MACROD2: variants seen among roughly 807,000 people sequenced by gnomAD.
MACROD2 encodes the protein mono-ADP ribosylhydrolase 2, also known as ADP-ribose glycohydrolase MACROD2.
Under a neutral mutation model 70.4 loss-of-function variants are expected in MACROD2, and 36 were observed. The observed-to-expected ratio is 0.51, with a 90% CI of 0.39 to 0.68. The LOEUF (loss-of-function observed/expected upper bound fraction) is 0.68. Ranked by LOEUF, MACROD2 falls within the 30% of genes least tolerant of loss-of-function variation. The pLI, the probability that MACROD2 is intolerant of heterozygous loss-of-function variation, is 0.00. For synonymous variants in MACROD2, 172 were observed against 178.8 expected, an observed-to-expected ratio of 0.96 and a Z score of 0.30; for missense variants, 496 against 538.4, an observed-to-expected ratio of 0.92 and a Z score of 0.78.
At chr20:14,705,892 CCT>C (rs1225202672) in intron 5 of MACROD2, among the ~76,000 whole-genome samples, 1 of 151,708 alleles carries the variant, frequency 6.6e-6, no homozygotes, top group Non-Finnish European at 1.5e-5. Context: ...TCCTTCTCTT[CCT>C]CTCTCTCTTT....
chr20:14,005,871 G>T (rs1278308153), intron 2 of MACROD2, among the ~76,000 whole-genome samples: 2 of 152,132 alleles, frequency 1.3e-5, no homozygotes, highest in African/African-American at 4.8e-5. Context: ...AAGGTGCTGG[G>T]ATTACAGACG....
In MACROD2 at chr20:14,492,169, G is replaced by T. The variant is rs142240699; in HGVS notation, c.272-1310G>T. Among the ~76,000 whole-genome samples, 56 of 152,312 alleles carry T rather than the reference G, an allele frequency of 3.7e-4. 1 individual carries two copies. In the East Asian group the frequency reaches 9.5e-3, roughly 26 times the overall value. On this transcript the variant is annotated intron_variant, in intron 3 of 17. Transcript: ENST00000684519. ...CTGTGTAAATATCACACACTTACAT[G>T]TGGTAAAGTCAGAGGGACTTGCAGA...
chr20:14,141,862 G>T (rs1601275057), intron 3 of MACROD2, among the ~76,000 whole-genome samples: 1 of 150,812 alleles, frequency 6.6e-6, no homozygotes, highest in South Asian at 2.1e-4. Context: ...TTCTTTTTCA[G>T]CTTAAAAAAT....
chr20:14,718,208 G>A (rs531528031), intron 5 of MACROD2, among the ~76,000 whole-genome samples: 27 of 137,254 alleles, frequency 2.0e-4, no homozygotes, highest in African/African-American at 7.0e-4. Context: ...CAGGAGAATT[G>A]CTTGAATCCA....
chr20:14,826,043 G>A (rs1317659563), intron 5 of MACROD2, among the ~76,000 whole-genome samples: 4 of 152,122 alleles, frequency 2.6e-5, no homozygotes, highest in Non-Finnish European at 5.9e-5. Context: ...TACAGATGTG[G>A]AACTAAAGTA....
In MACROD2 at chr20:15,311,576, G is replaced by A. The variant is rs112106880; in HGVS notation, c.540+81515G>A. Reference sequence around the variant, plus strand: ...GGATTGGATAAAGAAAACGTGGTACGTATATACCATAGAATACTATGGAGC... The same window carrying A: ...GGATTGGATAAAGAAAACGTGGTACATATATACCATAGAATACTATGGAGC... On this transcript the variant is annotated intron_variant, in intron 6 of 17. Coordinates refer to ENST00000684519, the MANE Select transcript of MACROD2 (RefSeq NM_001351661.2). 1.1e-3 allele frequency among the ~76,000 whole-genome samples: 170 copies of A among 152,290 alleles called. 3 individuals are homozygous for A. Among genetic ancestry groups the A allele is most frequent in the African/African-American group, 3.9e-3 (162 of 41,562 alleles).
chr20:15,446,572 A>G (rs943304235), intron 7 of MACROD2, among the ~76,000 whole-genome samples: 3 of 152,198 alleles, frequency 2.0e-5, no homozygotes, highest in Admixed American at 2.0e-4. Context: ...GCACACTGCC[A>G]ACACCCCAGT....
chr20:15,369,149 C>T (rs1473043839), intron 6 of MACROD2, among the ~76,000 whole-genome samples: 4 of 151,922 alleles, frequency 2.6e-5, no homozygotes, highest in East Asian at 1.9e-4. Flanking sequence ...ATTTAATGAA[C>T]GGATACTAAG....
chr20:14,158,363 A>C (rs2055134578), intron 3 of MACROD2, among the ~76,000 whole-genome samples: 1 of 151,884 alleles, frequency 6.6e-6, no homozygotes, highest in Admixed American at 6.6e-5. Context: ...GTTTGCAAAT[A>C]TTTTCTCCCA....
At chr20:14,851,393 G>A (rs998703874) in intron 5 of MACROD2, among the ~76,000 whole-genome samples, 1 of 152,146 alleles carries the variant, frequency 6.6e-6, no homozygotes, top group African/African-American at 2.4e-5. Context: ...GGTTTCAAGA[G>A]CATCAGGAAG....
At chr20:15,615,181 G>A (rs928059787) in intron 8 of MACROD2, among the ~76,000 whole-genome samples, 1 of 152,160 alleles carries the variant, frequency 6.6e-6, no homozygotes, top group Non-Finnish European at 1.5e-5. Context: ...CATGTCATCA[G>A]AATATCGAAA....
chr20:15,820,391 C>T (rs1480749268), intron 8 of MACROD2, among the ~76,000 whole-genome samples: 1 of 152,096 alleles, frequency 6.6e-6, no homozygotes, highest in Admixed American at 6.6e-5. Context: ...AGGGTCTCAC[C>T]ATGTTGCCTA....
intron 2 of MACROD2, among the ~76,000 whole-genome samples, chr20:14,058,783 A>G (rs1283259058): frequency 6.6e-6 from 1 of 151,742 alleles, no homozygotes; most frequent in Non-Finnish European, 1.5e-5. Context: ...AGCTGGGACT[A>G]CAGGCATGTG....
At chr20:14,965,577 C>G (rs1314787622) in intron 5 of MACROD2, among the ~76,000 whole-genome samples, 5 of 147,284 alleles carry the variant, frequency 3.4e-5, no homozygotes, top group Non-Finnish European at 7.5e-5. Context: ...TCTCCTGACT[C>G]AGCCTCCCTA....
At chr20:14,736,835 C>G (rs78410758) in intron 5 of MACROD2, among the ~76,000 whole-genome samples, 2,649 of 152,230 alleles carry the variant, frequency 0.017, 43 homozygotes, top group South Asian at 0.068. Context: ...TTACCCAGTA[C>G]ATTGTATTGT....
At chr20:15,561,247 G>A (rs1428379829) in intron 8 of MACROD2, among the ~76,000 whole-genome samples, 1 of 152,182 alleles carries the variant, frequency 6.6e-6, no homozygotes, top group Non-Finnish European at 1.5e-5. Context: ...CATTTTATTG[G>A]AATAAGCATG....
intron 6 of MACROD2, among the ~76,000 whole-genome samples, chr20:15,256,928 G>A (rs897933955): frequency 2.7e-5 from 4 of 150,854 alleles, no homozygotes; most frequent in Admixed American, 1.3e-4. Flanking sequence ...GCCTATTTTC[G>A]GAAAAAAAAA....
At chr20:14,710,478 A>C (rs1023749412) in intron 5 of MACROD2, among the ~76,000 whole-genome samples, 9 of 152,260 alleles carry the variant, frequency 5.9e-5, no homozygotes, top group African/African-American at 2.2e-4. Flanking sequence ...CATACTGTGG[A>C]AAGACGATGA....
chr20:15,701,252 G>T (rs1039311069), intron 8 of MACROD2, among the ~76,000 whole-genome samples: 1 of 152,128 alleles, frequency 6.6e-6, no homozygotes, highest in African/African-American at 2.4e-5. Flanking sequence ...AATATTATCC[G>T]TGATTTTCCA....
Sources: allele counts gnomAD v4.1 joint callset (sites outside exome capture counted in the v4.1 genomes callset), GRCh38; gene constraint gnomAD v4.1.1; transcripts MANE v1.5; gene names NCBI Gene and HGNC (gene_info 2026-07-23, HGNC 2026-07-21).